Variants in KLHL31 observed in about 807,000 individuals in gnomAD.
KLHL31 encodes kelch like family member 31, also known as kelch-like protein 31.
A neutral mutation model predicts 47.1 loss-of-function variants in KLHL31; 32 were observed. That is an observed-to-expected ratio of 0.68 (90% confidence interval 0.51 to 0.91). KLHL31 has a LOEUF of 0.91. Among genes scored for constraint, KLHL31 ranks in the 40% least tolerant of loss-of-function variants. The probability of loss-of-function intolerance (pLI) is 0.00; values close to 1 mark genes in which losing one functional copy is unlikely to be tolerated. For synonymous variants in KLHL31, 330 were observed against 325.1 expected, an observed-to-expected ratio of 1.01 and a Z score of -0.16; for missense variants, 797 against 819.3, an observed-to-expected ratio of 0.97 and a Z score of 0.33.
chr6:53,654,119 G>A lies in KLHL31; in HGVS notation c.1154C>T (p.Ala385Val). ...CAAGTACCTGCAGAAATTGCTGACT[G>A]CATGCTTGGCTTGATTTCTTGCATC... is the stretch of plus-strand genomic sequence containing the variant. ...QNDARNQAKH[A>V]VSNFCRYDPR... Residue 385 changes from alanine (A) to valine (V), a missense_variant, in exon 2 of 3, where the codon GCA (alanine) becomes GTA (valine). Ala to Val is a moderately conservative substitution (Grantham distance 64, BLOSUM62 0). Coordinates refer to ENST00000370905, the MANE Select transcript of KLHL31 (RefSeq NM_001003760.5). 3 of 1,606,410 alleles carry A rather than the reference G, an allele frequency of 1.9e-6. No individual in the cohort carries two copies. Among genetic ancestry groups the A allele is most frequent in the Non-Finnish European group, 1.7e-6 (2 of 1,176,066 alleles).
intron 1 of KLHL31, among the ~76,000 whole-genome samples, chr6:53,663,074 T>C (rs1561987737): frequency 6.6e-6 from 1 of 151,580 alleles, no homozygotes; most frequent in East Asian, 1.9e-4. Context: ...AAATTAAGAA[T>C]CAGAAAGAGT....
intron 1 of KLHL31, among the ~76,000 whole-genome samples, chr6:53,659,956 C>T (rs1233973844): frequency 6.6e-6 from 1 of 152,166 alleles, no homozygotes; most frequent in African/African-American, 2.4e-5. Context: ...TCAGCCCTGG[C>T]CTGTTCCACC....
At chr6:53,653,675 A>G (rs1050128991) in intron 2 of KLHL31, among the ~76,000 whole-genome samples, 2 of 152,220 alleles carry the variant, frequency 1.3e-5, no homozygotes, top group Non-Finnish European at 2.9e-5. Context: ...AGTAGCAGTC[A>G]CTTAAAATAC....
chr6:53,652,019 T>TC lies in KLHL31; in HGVS notation c.1483dup (p.Glu495GlyfsTer162). 1.3e-6 allele frequency: 2 copies of TC among 1,591,062 alleles called. No individual in the cohort carries two copies. Among genetic ancestry groups the TC allele is most frequent in the Non-Finnish European group, 1.7e-6 (2 of 1,174,890 alleles). On this transcript the variant is annotated frameshift_variant, in exon 3 of 3. Transcript: ENST00000370905. LOFTEE classifies it high-confidence loss of function. ...CCGGGGTGTGCTGAGGTTCGGCAGC[T>TC]CCTGCCACGAGTCGCTGGCCGGGTC... is the stretch of plus-strand genomic sequence containing the variant.
intron 1 of KLHL31, among the ~76,000 whole-genome samples, chr6:53,656,931 CTTT>C (rs10665063): frequency 3.0e-5 from 3 of 98,436 alleles, no homozygotes; most frequent in Admixed American, 1.4e-4. Flanking sequence ...GTATTTTTAA[CTTT>C]TTTTTTTTTT....
At position 53,651,902 on chromosome 6, in the gene KLHL31, G is replaced by A. The variant is rs201035667; in HGVS notation, c.1601C>T (p.Thr534Ile). The change falls in exon 3 of 3, where the codon ACC becomes ATC. Residue 534 changes from threonine to isoleucine, a missense_variant. Physicochemically the swap from Thr to Ile is moderately conservative, Grantham distance 89. Coordinates refer to ENST00000370905, the MANE Select transcript of KLHL31 (RefSeq NM_001003760.5). ...GPRGERVDVLTVECYSPATGQ... is the reference protein window; with the variant it reads ...GPRGERVDVLIVECYSPATGQ... ...GGTCGCGGGGCTGTAGCACTCCACG[G>A]TGAGCACGTCCACGCGCTCCCCGCG... The A allele has an allele frequency of 3.9e-4, 623 of 1,592,450 alleles. No homozygotes were observed. The highest frequency in any genetic ancestry group is 4.9e-4 in the Non-Finnish European group (581 of 1,175,450).
chr6:53,651,702 G>A lies in KLHL31; in HGVS notation c.1801C>T (p.Pro601Ser). 6.2e-7 allele frequency: 1 copy of A among 1,614,182 alleles called. No homozygotes were observed. The highest frequency in any genetic ancestry group is 8.5e-7 in the Non-Finnish European group (1 of 1,180,038). ...CAGGACACGCCGACAGTGGCCTCGG[G>A]TAGCTCGTCGTCCTCCGTCCACTCG... Reference protein sequence around the residue: ...LNEWTEDDELPEATVGVSCCT... With the variant: ...LNEWTEDDELSEATVGVSCCT... The change falls in exon 3 of 3, where the codon CCC becomes TCC. Residue 601 changes from proline (P) to serine (S), a missense_variant. Transcript: ENST00000370905.
At position 53,651,877 on chromosome 6, in the gene KLHL31, G is replaced by T. The variant is rs770650620; in HGVS notation, c.1626C>A (p.Thr542=). Residue 542 remains threonine (T), a synonymous_variant, in exon 3 of 3, where the codon ACC becomes ACA. Coordinates refer to ENST00000370905, the MANE Select transcript of KLHL31 (RefSeq NM_001003760.5). ...VLTVECYSPA[T]GQWSYAAPLQ... ...GCGGCGCCGCGTAGCTCCACTGGCC[G>T]GTCGCGGGGCTGTAGCACTCCACGG... is the stretch of plus-strand genomic sequence containing the variant. The T allele has an allele frequency of 3.1e-6, 5 of 1,597,788 alleles. No homozygotes were observed. Among genetic ancestry groups the T allele is most frequent in the Non-Finnish European group, 3.4e-6 (4 of 1,176,888 alleles).
Position 53,654,715 on chromosome 6 carries a change from AT to A in KLHL31, c.557del (p.Asn186MetfsTer24). 1 of 1,614,184 alleles carries A rather than the reference AT, an allele frequency of 6.2e-7. No individual in the cohort carries two copies. The highest frequency in any genetic ancestry group is 8.5e-7 in the Non-Finnish European group (1 of 1,180,038). On this transcript the variant is annotated frameshift_variant, in exon 2 of 3. Coordinates refer to ENST00000370905, the MANE Select transcript of KLHL31 (RefSeq NM_001003760.5). LOFTEE classifies it high-confidence loss of function. ...TAAATTTCTGGGCTGCTGCTTTTGCATTTTTTAGGGAGTATGTTTCAGCAAT... is the reference window on the plus strand; with the variant it reads ...TAAATTTCTGGGCTGCTGCTTTTGCATTTTTAGGGAGTATGTTTCAGCAAT... ...VNIAETYSLKNAKAAAQKFIR... is the reference protein window; with the variant it reads ...VNIAETYSLKXAKAAAQKFIR...
chr6:53,652,403 G>C (rs747434194), intron 2 of KLHL31, 73 bp from the exon 3 acceptor site: 12 of 1,586,294 alleles, frequency 7.6e-6, no homozygotes, highest in South Asian at 3.3e-5. Flanking sequence ...TGCAAATCAT[G>C]AGTGGGAAGC....
intron 1 of KLHL31, among the ~76,000 whole-genome samples, chr6:53,662,962 C>G (rs1764668546): frequency 6.6e-6 from 1 of 151,396 alleles, no homozygotes; most frequent in African/African-American, 2.5e-5. Flanking sequence ...GTACTATGTG[C>G]TGGGCCCTGG....
chr6:53,648,225 T>G lies in KLHL31; in HGVS notation c.*3373A>C, dbSNP rs1278517661. On this transcript the variant is annotated 3_prime_UTR_variant, in exon 3 of 3. Coordinates refer to ENST00000370905, the MANE Select transcript of KLHL31 (RefSeq NM_001003760.5). ...TAAAGGACTGTTTGGAAAATTATTC[T>G]GTAGGTTTTTTGGCATGAAAAGAAA... The G allele has an allele frequency of 6.6e-6, 1 of 152,556 alleles. No individual in the cohort carries two copies. The highest frequency in any genetic ancestry group is 2.4e-5 in the African/African-American group (1 of 41,448). The allele number at this position is 152,556 out of a possible 1,614,324, so 9.5% of individuals were successfully genotyped here.
intron 1 of KLHL31, among the ~76,000 whole-genome samples, chr6:53,659,376 C>G (rs1764614761): frequency 6.6e-6 from 1 of 152,192 alleles, no homozygotes; most frequent in Admixed American, 6.5e-5. Flanking sequence ...ATAGGTAGGG[C>G]TAACCCCGAA....
In KLHL31 at chr6:53,656,088, G is replaced by A. The variant is rs190577755; in HGVS notation, c.-33-783C>T. Among the ~76,000 whole-genome samples, 101 of 152,256 alleles carry A rather than the reference G, an allele frequency of 6.6e-4. 2 individuals are homozygous for A. In the East Asian group the frequency reaches 0.017, roughly 25 times the overall value. ...TGGAAAGATTATTTTATTTGCAGTA[G>A]CAATGAAACCTGTTATATTTTAAGA... On this transcript the variant is annotated intron_variant, in intron 1 of 2. Transcript: ENST00000370905.
chr6:53,650,981 A>G lies in KLHL31; in HGVS notation c.*617T>C, dbSNP rs1022886629. 3.9e-5 allele frequency: 6 copies of G among 152,204 alleles called. No homozygotes were observed. Among genetic ancestry groups the G allele is most frequent in the African/African-American group, 1.4e-4 (6 of 41,440 alleles). The allele number at this position is 152,204 out of a possible 1,614,324, so 9.4% of individuals were successfully genotyped here. A position where few individuals can be genotyped will look rare whatever the true frequency, so the allele number is the denominator to read the frequency against. On this transcript the variant is annotated 3_prime_UTR_variant, in exon 3 of 3. Coordinates refer to ENST00000370905, the MANE Select transcript of KLHL31 (RefSeq NM_001003760.5). ...ATCAAATTTAGGGTCCCTGGGTGGA[A>G]TCCCTATTCCTTTTCGGTCAGATCT...
chr6:53,652,149 G>A lies in KLHL31; in HGVS notation c.1354C>T (p.Leu452=). The A allele has an allele frequency of 1.9e-6, 3 of 1,605,240 alleles. No individual in the cohort carries two copies. The highest frequency in any genetic ancestry group is 1.1e-5 in the South Asian group (1 of 90,976). The change falls in exon 3 of 3, where the codon CTG becomes TTG. Residue 452 remains leucine (L), a synonymous_variant. Transcript: ENST00000370905. ...GCGTGGCAGCAGCGCGCCACCTCCA[G>A]GGGCGTCTTCGGCTGCCACTGATTG... ...STNQWQPKTP[L]EVARCCHASA...
rs533814757 is a variant in KLHL31 at position 53,658,050 on chromosome 6, T to G, written c.-33-2745A>C. Reference sequence around the variant, plus strand: ...GCTTATGTGTTGAGTGTCTCTTTGTTGGATTTTCTGGGAGAAACTTTTGAA... The same window carrying G: ...GCTTATGTGTTGAGTGTCTCTTTGTGGGATTTTCTGGGAGAAACTTTTGAA... On this transcript the variant is annotated intron_variant, in intron 1 of 2. Transcript: ENST00000370905. Among the ~76,000 whole-genome samples, 4 of 152,346 alleles carry G rather than the reference T, an allele frequency of 2.6e-5. No homozygotes were observed. The South Asian group carries it at 8.3e-4, about 32-fold the overall frequency.
rs1211557822 is a variant in KLHL31, at chr6:53,651,537, T to C, written c.*61A>G. The C allele has an allele frequency of 1.9e-6, 3 of 1,551,116 alleles. No homozygotes were observed. In the East Asian group the frequency reaches 6.8e-5, roughly 35 times the overall value. On this transcript the variant is annotated 3_prime_UTR_variant, in exon 3 of 3. Coordinates refer to ENST00000370905, the MANE Select transcript of KLHL31 (RefSeq NM_001003760.5). ...TTTTCCTTTTCGCGAACTCAGAGGT[T>C]AACCACGTGGCTCTACGAATAAATA...
At position 53,652,036 on chromosome 6, in the gene KLHL31, G is replaced by A. The variant is rs961598896; in HGVS notation, c.1467C>T (p.Ala489=). 3.8e-6 allele frequency: 6 copies of A among 1,593,048 alleles called. No individual in the cohort carries two copies. The highest frequency in any genetic ancestry group is 4.3e-6 in the Non-Finnish European group (5 of 1,175,640). The change falls in exon 3 of 3, where the codon GCC becomes GCT. Residue 489 remains alanine (A), a synonymous_variant. Coordinates refer to ENST00000370905, the MANE Select transcript of KLHL31 (RefSeq NM_001003760.5). ...YSRSVCAYDP[A]SDSWQELPNL... ...TCGGCAGCTCCTGCCACGAGTCGCT[G>A]GCCGGGTCGTAGGCGCACACAGAGC...
Sources: allele counts gnomAD v4.1 joint callset (sites outside exome capture counted in the v4.1 genomes callset), GRCh38; gene constraint gnomAD v4.1.1; transcripts MANE v1.5; gene names NCBI Gene and HGNC (gene_info 2026-07-23, HGNC 2026-07-21).